MYO3A: variants seen among roughly 807,000 people sequenced by gnomAD.
MYO3A encodes the protein myosin-IIIa.
MYO3A carries 180 observed loss-of-function variants against 192.7 expected under a neutral mutation model. That is an observed-to-expected ratio of 0.93 (90% CI 0.83 to 1.06). The LOEUF is 1.06. Among genes scored for constraint, MYO3A ranks in the 50% least tolerant of loss-of-function variants. The probability of loss-of-function intolerance (pLI) is 0.00; values close to 1 mark genes in which losing one functional copy is unlikely to be tolerated. For missense variants in MYO3A, 1,896 were observed against 1,905.0 expected, an observed-to-expected ratio of 1.00 and a Z score of 0.09; for synonymous variants, 628 against 645.3, an observed-to-expected ratio of 0.97 and a Z score of 0.41.
chr10:26,165,710 C>T (rs1427471317), intron 26 of MYO3A: 2 of 293,812 alleles, frequency 6.8e-6, no homozygotes, highest in Non-Finnish European at 6.4e-6. Context: ...CCTTCTGCTT[C>T]CTGCCACTGC....
intron 17 of MYO3A, among the ~76,000 whole-genome samples, chr10:26,119,778 G>A (rs918641095): frequency 2.0e-5 from 3 of 152,094 alleles, no homozygotes; most frequent in Admixed American, 6.5e-5. Context: ...TGTGTTATGT[G>A]TTTCTGAATG....
intron 4 of MYO3A, among the ~76,000 whole-genome samples, chr10:25,985,044 C>T (rs977203394): frequency 1.3e-5 from 2 of 151,940 alleles, no homozygotes; most frequent in Admixed American, 1.3e-4. Flanking sequence ...TTGCAGCCAG[C>T]CTGGGCAACA....
intron 23 of MYO3A, among the ~76,000 whole-genome samples, chr10:26,147,853 G>A (rs1840565775): frequency 6.6e-6 from 1 of 152,120 alleles, no homozygotes; most frequent in Non-Finnish European, 1.5e-5. Flanking sequence ...AGAATTACCT[G>A]GGCAAATCAG....
At chr10:26,101,398 T>C (rs920193346) in intron 17 of MYO3A, among the ~76,000 whole-genome samples, 13 of 152,194 alleles carry the variant, frequency 8.5e-5, no homozygotes, top group Non-Finnish European at 1.8e-4. Flanking sequence ...CCATTTACAT[T>C]TAAAGTTAAT....
At chr10:26,016,197 T>G (rs1266421896) in intron 6 of MYO3A, among the ~76,000 whole-genome samples, 10 of 152,212 alleles carry the variant, frequency 6.6e-5, no homozygotes, top group Non-Finnish European at 1.5e-4. Flanking sequence ...AATATTTGAT[T>G]ATACCTCTTT....
chr10:26,193,406 G>A, intron 32 of MYO3A, 95 bp downstream of exon 32: 1 of 1,017,334 alleles, frequency 9.8e-7, no homozygotes, highest in Non-Finnish European at 1.5e-6. Flanking sequence ...CACAAAGGAA[G>A]GCCTGGCAGG....
At chr10:25,991,488 C>A (rs552082395) in intron 4 of MYO3A, among the ~76,000 whole-genome samples, 75 of 152,220 alleles carry the variant, frequency 4.9e-4, no homozygotes, top group African/African-American at 1.8e-3. Context: ...ATGGTAGTTT[C>A]TTTTGCTGTG....
intron 7 of MYO3A, among the ~76,000 whole-genome samples, chr10:26,020,209 T>C (rs1380662554): frequency 1.3e-5 from 2 of 152,192 alleles, no homozygotes; most frequent in African/African-American, 4.8e-5. Flanking sequence ...CCTCTATCCC[T>C]TCCTCTATCC....
At chr10:26,206,756 A>C (rs2132232658) in intron 34 of MYO3A, among the ~76,000 whole-genome samples, 1 of 152,264 alleles carries the variant, frequency 6.6e-6, no homozygotes, top group East Asian at 1.9e-4. Context: ...GCCTGATTTT[A>C]ATTTTTTAAG....
chr10:26,185,961 A>G (rs779812047), intron 31 of MYO3A, among the ~76,000 whole-genome samples: 2 of 152,162 alleles, frequency 1.3e-5, no homozygotes, highest in African/African-American at 4.8e-5. Context: ...ATTCTTTTCA[A>G]TGGCTGCATA....
At chr10:25,981,259 C>T (rs1839308961) in intron 4 of MYO3A, among the ~76,000 whole-genome samples, 2 of 152,076 alleles carry the variant, frequency 1.3e-5, no homozygotes, top group African/African-American at 4.8e-5. Flanking sequence ...ATTTGACATC[C>T]ATATACCAAC....
At chr10:26,088,506 A>T in intron 15 of MYO3A, 101 bp downstream of exon 15, 1 of 1,142,500 alleles carries the variant, frequency 8.8e-7, no homozygotes, top group East Asian at 2.6e-5. Flanking sequence ...TTTATTTATC[A>T]CTTACTATAT....
chr10:26,206,757 A>T (rs1843976448), intron 34 of MYO3A, among the ~76,000 whole-genome samples: 1 of 152,072 alleles, frequency 6.6e-6, no homozygotes, highest in Admixed American at 6.5e-5. Context: ...CCTGATTTTA[A>T]TTTTTTAAGG....
intron 34 of MYO3A, among the ~76,000 whole-genome samples, chr10:26,205,361 C>T (rs1843864404): frequency 6.6e-6 from 1 of 151,924 alleles, no homozygotes; most frequent in Non-Finnish European, 1.5e-5. Flanking sequence ...ATTTATTCCT[C>T]CTGCCTAACT....
At chr10:26,096,838 A>T (rs1837071897) in intron 17 of MYO3A, among the ~76,000 whole-genome samples, 156 bp downstream of exon 17, 1 of 151,964 alleles carries the variant, frequency 6.6e-6, no homozygotes, top group African/African-American at 2.4e-5. Flanking sequence ...TATTTACTTT[A>T]TAAGTGAAGA....
chr10:26,086,973 A>G (rs1425373978), intron 14 of MYO3A, among the ~76,000 whole-genome samples: 1 of 128,518 alleles, frequency 7.8e-6, no homozygotes, highest in African/African-American at 2.7e-5. Context: ...ATTAATGTTA[A>G]TTGGGGATAG....
At chr10:25,977,809 G>A (rs1040667257) in intron 4 of MYO3A, among the ~76,000 whole-genome samples, 1 of 151,916 alleles carries the variant, frequency 6.6e-6, no homozygotes, top group Non-Finnish European at 1.5e-5. Flanking sequence ...AAAAGAGAAA[G>A]GCATTTCTCC....
chr10:26,001,884 G>A (rs866205473), intron 6 of MYO3A, among the ~76,000 whole-genome samples: 59 of 152,270 alleles, frequency 3.9e-4, no homozygotes, highest in African/African-American at 1.4e-3. Flanking sequence ...CTATTCAGGA[G>A]GCTGAGGTGG....
At chr10:26,032,032 T>A (rs980903126) in intron 10 of MYO3A, among the ~76,000 whole-genome samples, 4 of 152,216 alleles carry the variant, frequency 2.6e-5, no homozygotes, top group Non-Finnish European at 5.9e-5. Context: ...CAAAATAACT[T>A]TAATATTTTA....
Sources: gnomAD v4.1 joint callset for allele counts (sites outside exome capture counted in the v4.1 genomes callset) on GRCh38, gnomAD v4.1.1 for gene constraint, MANE v1.5 for transcripts, NCBI Gene and HGNC (gene_info 2026-07-23, HGNC 2026-07-21) for gene names.